The following PLXNA4 variants were observed in gnomAD, a reference collection of about 807,000 sequenced individuals.
PLXNA4 encodes the protein plexin A4.
A neutral mutation model predicts 191.8 loss-of-function variants in PLXNA4; 44 were observed. The observed-to-expected ratio is 0.23, with a 90% CI of 0.18 to 0.29. PLXNA4 has a LOEUF of 0.29. PLXNA4 is among the 10% of genes least tolerant of loss of function. PLXNA4 has a pLI of 1.00. For synonymous variants in PLXNA4, 1,082 were observed against 1,009.5 expected, an observed-to-expected ratio of 1.07 and a Z score of -1.36; for missense variants, 1,800 against 2,488.8, an observed-to-expected ratio of 0.72 and a Z score of 5.89.
chr7:132,170,419 AG>A (rs986332175), intron 21 of PLXNA4, among the ~76,000 whole-genome samples: 1 of 152,086 alleles, frequency 6.6e-6, no homozygotes, highest in Non-Finnish European at 1.5e-5. Flanking sequence ...CTGAAAGGAG[AG>A]GGGGTATGAA....
intron 3 of PLXNA4, chr7:132,384,280 C>T (rs1805022255): frequency 2.0e-6 from 2 of 985,440 alleles, no homozygotes; most frequent in Non-Finnish European, 2.4e-6. Flanking sequence ...TTTCAAGTAA[C>T]CAGATTAGCA....
intron 3 of PLXNA4, among the ~76,000 whole-genome samples, chr7:132,478,880 G>A (rs1797228409): frequency 6.6e-6 from 1 of 152,220 alleles, no homozygotes. Context: ...TGGTTAAGCA[G>A]AAAGACAACC....
At chr7:132,258,667 C>A (rs1352926503) in intron 4 of PLXNA4, among the ~76,000 whole-genome samples, 2 of 152,122 alleles carry the variant, frequency 1.3e-5, no homozygotes, top group Non-Finnish European at 2.9e-5. Flanking sequence ...ATGCTTAGAC[C>A]TTTTGTGATG....
intron 8 of PLXNA4, among the ~76,000 whole-genome samples, chr7:132,224,929 T>A (rs1002359345): frequency 6.6e-6 from 1 of 152,190 alleles, no homozygotes; most frequent in East Asian, 1.9e-4. Context: ...AACAGGAGTA[T>A]GTTAAAACAA....
intron 3 of PLXNA4, among the ~76,000 whole-genome samples, chr7:132,305,126 G>C (rs1348257147): frequency 6.6e-6 from 1 of 152,186 alleles, no homozygotes; most frequent in Non-Finnish European, 1.5e-5. Context: ...CCTGCACCAA[G>C]TAATACTGCC....
At chr7:132,573,127 G>T (rs1429230159) in intron 1 of PLXNA4, among the ~76,000 whole-genome samples, 1 of 152,092 alleles carries the variant, frequency 6.6e-6, no homozygotes, top group African/African-American at 2.4e-5. Context: ...GAGGTGTCAA[G>T]GGAGGGAAAT....
chr7:132,142,760 C>T (rs1438132612), intron 29 of PLXNA4, among the ~76,000 whole-genome samples: 2 of 152,228 alleles, frequency 1.3e-5, no homozygotes, highest in Non-Finnish European at 2.9e-5. Context: ...GCCTTCCTGA[C>T]AGCTGGGCTC....
At chr7:132,563,348 TTTCTCCTCC>T (rs1776051972) in intron 1 of PLXNA4, among the ~76,000 whole-genome samples, 3 of 21,646 alleles carry the variant, frequency 1.4e-4, no homozygotes, top group African/African-American at 1.9e-4. Context: ...TCTCCTCCTC[TTTCTCCTCC>T]TTCTCCTCCT....
chr7:132,506,236 T>C (rs565914615), intron 2 of PLXNA4, among the ~76,000 whole-genome samples: 77 of 152,232 alleles, frequency 5.1e-4, no homozygotes, highest in Admixed American at 8.5e-4. Flanking sequence ...AGTGATGGCC[T>C]CTCCACACTC....
intron 3 of PLXNA4, among the ~76,000 whole-genome samples, chr7:132,437,708 T>C (rs1795530298): frequency 6.6e-6 from 1 of 152,024 alleles, no homozygotes; most frequent in African/African-American, 2.4e-5. Context: ...CCACCCCAGG[T>C]TGGCCCCAGA....
chr7:132,526,032 C>T (rs957767625), intron 1 of PLXNA4, among the ~76,000 whole-genome samples: 5 of 152,218 alleles, frequency 3.3e-5, no homozygotes, highest in Admixed American at 1.3e-4. Context: ...ATGTTGGTTT[C>T]CATTCCTCAA....
chr7:132,547,808 T>A (rs1162108404), intron 1 of PLXNA4, among the ~76,000 whole-genome samples: 2 of 152,154 alleles, frequency 1.3e-5, no homozygotes, highest in African/African-American at 2.4e-5. Flanking sequence ...AGATTTTTAC[T>A]CTTTGGACCA....
intron 1 of PLXNA4, among the ~76,000 whole-genome samples, chr7:132,509,779 T>A (rs1474382678): frequency 6.6e-6 from 1 of 152,082 alleles, no homozygotes; most frequent in Non-Finnish European, 1.5e-5. Flanking sequence ...AGGAGAAACT[T>A]TCCTCTGTGC....
intron 2 of PLXNA4, among the ~76,000 whole-genome samples, chr7:132,620,571 T>C (rs1048157938): frequency 3.3e-5 from 5 of 152,178 alleles, no homozygotes; most frequent in African/African-American, 4.8e-5. Context: ...GCTAACAACA[T>C]TGCCCTGGTT....
chr7:132,375,343 C>T (rs1408314170), intron 3 of PLXNA4, among the ~76,000 whole-genome samples: 9 of 143,220 alleles, frequency 6.3e-5, no homozygotes, highest in Non-Finnish European at 1.4e-4. Context: ...TTCACACAAA[C>T]TTCTTCCTTA....
chr7:132,362,161 T>C (rs775187589), intron 3 of PLXNA4, among the ~76,000 whole-genome samples: 13 of 152,180 alleles, frequency 8.5e-5, no homozygotes, highest in Non-Finnish European at 1.6e-4. Context: ...ACTTTATACA[T>C]CATCAAGTAA....
At chr7:132,194,013 T>C (rs377605512) in intron 14 of PLXNA4, 49 bp downstream of exon 14, 3 of 1,578,338 alleles carry the variant, frequency 1.9e-6, no homozygotes, top group African/African-American at 2.7e-5. Flanking sequence ...ATCATGGTAA[T>C]GAGCTCTGTG....
chr7:132,460,583 G>A (rs775392235), intron 3 of PLXNA4, among the ~76,000 whole-genome samples: 11 of 152,110 alleles, frequency 7.2e-5, no homozygotes, highest in Non-Finnish European at 1.2e-4. Flanking sequence ...CAGGACAACT[G>A]GAGATCAGGC....
intron 3 of PLXNA4, among the ~76,000 whole-genome samples, chr7:132,431,600 A>G (rs968011660): frequency 6.6e-6 from 1 of 151,984 alleles, no homozygotes; most frequent in African/African-American, 2.4e-5. Flanking sequence ...TCAAGCCAAG[A>G]CCTCTGACCT....
Sources: gnomAD v4.1 joint callset for allele counts (sites outside exome capture counted in the v4.1 genomes callset) on GRCh38, gnomAD v4.1.1 for gene constraint, MANE v1.5 for transcripts, NCBI Gene and HGNC (gene_info 2026-07-23, HGNC 2026-07-21) for gene names.